Variants in STAT2 observed in about 807,000 individuals in gnomAD.
The protein encoded by STAT2 is signal transducer and activator of transcription 2.
Under a neutral mutation model 122.3 loss-of-function variants are expected in STAT2, and 51 were observed. That is an observed-to-expected ratio of 0.42 (90% confidence interval 0.33 to 0.53). The LOEUF (loss-of-function observed/expected upper bound fraction) is 0.53. Ranked by LOEUF, STAT2 falls within the 20% of genes least tolerant of loss-of-function variation. The probability of loss-of-function intolerance (pLI) is 0.10; values close to 1 mark genes in which losing one functional copy is unlikely to be tolerated. For synonymous variants in STAT2, 351 were observed against 394.9 expected, an observed-to-expected ratio of 0.89 and a Z score of 1.32; for missense variants, 736 against 1,010.3, an observed-to-expected ratio of 0.73 and a Z score of 3.68.
intron 1 of STAT2, among the ~76,000 whole-genome samples, chr12:56,358,161 T>C (rs1309752519): frequency 6.6e-6 from 1 of 152,160 alleles, no homozygotes; most frequent in African/African-American, 2.4e-5. Context: ...TATTTGATTG[T>C]GCTAAAGCAT....
At position 56,351,480 on chromosome 12, in the gene STAT2, C is replaced by G. The variant is rs759345711; in HGVS notation, c.783-30G>C. The G allele has an allele frequency of 1.9e-6, 3 of 1,604,100 alleles. No individual in the cohort carries two copies. In the South Asian group the frequency reaches 3.3e-5, roughly 18 times the overall value. On this transcript the variant is annotated intron_variant, in intron 8 of 23. Transcript: ENST00000314128. The stretch of plus-strand genomic sequence containing the variant: ...GTGATAAAATTCAGGAAGAAGGAAT[C>G]CATGAGTTTCCTGGATTCCCCCATC...
chr12:56,349,880 C>G (rs1466942339), intron 13 of STAT2: 3 of 644,138 alleles, frequency 4.7e-6, no homozygotes, highest in Non-Finnish European at 8.0e-6. Flanking sequence ...GAAACCCTAT[C>G]TCTACTAAAA....
Position 56,350,508 on chromosome 12 carries a change from C to T in STAT2, c.1095-76G>A, listed in dbSNP as rs2136061147. On this transcript the variant is annotated intron_variant, in intron 11 of 23. Coordinates refer to ENST00000314128, the MANE Select transcript of STAT2 (RefSeq NM_005419.4). ...TAGGAGTTTCGTCTTTGGGATCAGA[C>T]AGACCTCGGTTCAAACCCGACTTGA... 2.8e-6 allele frequency: 4 copies of T among 1,415,474 alleles called. No individual in the cohort carries two copies. In the South Asian group the frequency reaches 5.5e-5, roughly 19 times the overall value. The allele number at this position is 1,415,474 out of a possible 1,614,324, so 87.7% of individuals were successfully genotyped here.
chr12:56,347,030 T>C, intron 19 of STAT2, 75 bp from the exon 20 acceptor site: 2 of 1,570,718 alleles, frequency 1.3e-6, no homozygotes, highest in Middle Eastern at 3.6e-4. Context: ...CTGCTCCCCT[T>C]GTATGGAGAA....
Position 56,348,963 on chromosome 12 carries a change from T to C in STAT2, c.1537A>G (p.Asn513Asp). ...CTCAGCATGCTCAGCTGGTCTGAGTTGAGGCCTCGGCCAACATAGGAGGAG... is the reference window on the plus strand; with the variant it reads ...CTCAGCATGCTCAGCTGGTCTGAGTCGAGGCCTCGGCCAACATAGGAGGAG... ...QFSSYVGRGL[N>D]SDQLSMLRNK... is the part of the protein sequence containing the mutation. The change falls in exon 17 of 24, where the codon AAC (asparagine) becomes GAC (aspartate). Residue 513 changes from asparagine to aspartate, a missense_variant. By Grantham distance (23) the Asn-to-Asp change is conservative (BLOSUM62 1). Transcript: ENST00000314128. The C allele has an allele frequency of 6.2e-7, 1 of 1,613,900 alleles. No homozygotes were observed. The highest frequency in any genetic ancestry group is 8.5e-7 in the Non-Finnish European group (1 of 1,179,930).
chr12:56,357,515 T>C (rs1275842492), intron 1 of STAT2, among the ~76,000 whole-genome samples: 3 of 151,548 alleles, frequency 2.0e-5, no homozygotes, highest in Non-Finnish European at 4.4e-5. Context: ...TGATTTTTTT[T>C]TTTGTATTTT....
At position 56,350,404 on chromosome 12, in the gene STAT2, G is replaced by T; in HGVS notation, c.1115+8C>A. On this transcript the variant is annotated splice_region_variant and intron_variant, in intron 12 of 23. Transcript: ENST00000314128. ...CAGATGTTTGCAGTGTCCTTGTCAA[G>T]CACCTACCCTTGTAATTGAGGAGGA... is the stretch of plus-strand genomic sequence containing the variant. 1 of 1,605,952 alleles carries T rather than the reference G, an allele frequency of 6.2e-7. No individual in the cohort carries two copies. Among genetic ancestry groups the T allele is most frequent in the Non-Finnish European group, 8.5e-7 (1 of 1,177,172 alleles).
chr12:56,353,944 TGAG>T (rs903343587), intron 8 of STAT2, among the ~76,000 whole-genome samples: 1 of 133,890 alleles, frequency 7.5e-6, no homozygotes, highest in African/African-American at 2.8e-5. Context: ...TGCAGTGAGC[TGAG>T]ATCGTGCCAC....
Position 56,344,090 on chromosome 12 carries a change from T to C in STAT2, c.2148A>G (p.Pro716=). ...LQQPLELKPE[P]ELESLELELG... The stretch of plus-strand genomic sequence containing the variant: ...GTTCCAGCTCTAATGACTCCAGCTC[T>C]GGCTCTGGCTTAAGCTCCAGCGGTT... Residue 716 remains proline (P), a synonymous_variant, in exon 23 of 24, where the codon CCA becomes CCG. Transcript: ENST00000314128. The C allele has an allele frequency of 6.3e-7, 1 of 1,584,070 alleles. No individual in the cohort carries two copies. Among genetic ancestry groups the C allele is most frequent in the Non-Finnish European group, 8.6e-7 (1 of 1,163,790 alleles).
chr12:56,343,146 C>G lies in STAT2; in HGVS notation c.*243G>C, dbSNP rs1283579474. On this transcript the variant is annotated 3_prime_UTR_variant, in exon 24 of 24. Coordinates refer to ENST00000314128, the MANE Select transcript of STAT2 (RefSeq NM_005419.4). ...AGGACCCCTATACCTCCCAGCACAG[C>G]AGGCAGCCTCCAGGATCCTATTTAG... 2 of 467,636 alleles carry G rather than the reference C, an allele frequency of 4.3e-6. No individual in the cohort carries two copies. The highest frequency in any genetic ancestry group is 7.3e-6 in the Non-Finnish European group (2 of 275,498). 29.0% of individuals were successfully genotyped at this position (467,636 alleles called of 1,614,324 possible). A position where few individuals can be genotyped will look rare whatever the true frequency, so the allele number is the denominator to read the frequency against.
chr12:56,360,021 C>T (rs1880143357), intron 1 of STAT2, 37 bp downstream of exon 1: 3 of 983,356 alleles, frequency 3.1e-6, no homozygotes, highest in African/African-American at 3.5e-5. Context: ...ACTCTCACCC[C>T]CACCCCTACC....
intron 12 of STAT2, 56 bp downstream of exon 12, chr12:56,350,356 G>T: frequency 6.5e-7 from 1 of 1,541,820 alleles, no homozygotes; most frequent in Non-Finnish European, 8.8e-7. Flanking sequence ...TGCCGAATGT[G>T]GTTCTGCAGG....
intron 8 of STAT2, chr12:56,352,349 CTTTTTTTTTT>C (rs76024169): frequency 1.3e-3 from 27 of 21,098 alleles, no homozygotes; most frequent in Non-Finnish European, 1.9e-3. Flanking sequence ...TTGTAACTAT[CTTTTTTTTTT>C]TTTTTTTTTT....
intron 21 of STAT2, 34 bp downstream of exon 21, chr12:56,346,408 C>A (rs764949652): frequency 1.2e-6 from 2 of 1,611,444 alleles, no homozygotes; most frequent in East Asian, 2.2e-5. Context: ...TAGATCTCTG[C>A]AATCTAGCAA....
At chr12:56,351,054 C>T in intron 10 of STAT2, 44 bp downstream of exon 10, 1 of 1,601,764 alleles carries the variant, frequency 6.2e-7, no homozygotes, top group Non-Finnish European at 8.5e-7. Flanking sequence ...TACACAGTGG[C>T]AGGGTTGGAA....
chr12:56,344,564 G>A (rs1017880507), intron 22 of STAT2, among the ~76,000 whole-genome samples: 5 of 152,170 alleles, frequency 3.3e-5, no homozygotes, highest in Non-Finnish European at 5.9e-5. Flanking sequence ...ATTTAGCCTA[G>A]TGCCTGGCGC....
intron 1 of STAT2, among the ~76,000 whole-genome samples, chr12:56,359,651 T>C (rs1880068722): frequency 6.6e-6 from 1 of 152,238 alleles, no homozygotes; most frequent in South Asian, 2.1e-4. Context: ...TGTGTGACCT[T>C]AGGCAATCGT....
intron 8 of STAT2, among the ~76,000 whole-genome samples, chr12:56,353,995 C>CAAAAAA (rs1187550270): frequency 2.0e-3 from 25 of 12,766 alleles, no homozygotes; most frequent in Admixed American, 7.4e-3. Flanking sequence ...GACTCCGTCT[C>CAAAAAA]AAAAAAAAAA....
At chr12:56,354,426 A>C (rs1317038801) in intron 8 of STAT2, 40 bp downstream of exon 8, 2 of 1,613,130 alleles carry the variant, frequency 1.2e-6, no homozygotes, top group Non-Finnish European at 1.7e-6. Flanking sequence ...TACAAATCAC[A>C]GCGCATGGCG....
Sources: gnomAD v4.1 joint callset for allele counts (sites outside exome capture counted in the v4.1 genomes callset) on GRCh38, gnomAD v4.1.1 for gene constraint, MANE v1.5 for transcripts, NCBI Gene and HGNC (gene_info 2026-07-23, HGNC 2026-07-21) for gene names.